Variants in TMEM47 observed in about 807,000 individuals in gnomAD.
TMEM47 encodes brain cell membrane protein 1.
TMEM47 carries 3 observed loss-of-function variants against 12.4 expected under a neutral mutation model. The observed-to-expected ratio is 0.24, with a 90% CI of 0.11 to 0.63. The LOEUF (loss-of-function observed/expected upper bound fraction) is 0.63, where lower values mean the gene tolerates loss of function less well. Ranked by LOEUF, TMEM47 falls within the 20% of genes least tolerant of loss-of-function variation. TMEM47 has a pLI of 0.86. For missense variants in TMEM47, 89 were observed against 143.8 expected (o/e 0.62, Z 1.95); for synonymous variants, 62 against 63.3 (o/e 0.98, Z 0.10).
At chrX:34,638,654 G>A (rs1921761345) in intron 2 of TMEM47, among the ~76,000 whole-genome samples, 1 of 111,609 alleles carries the variant, frequency 9.0e-6, no homozygotes, top group South Asian at 3.8e-4. Flanking sequence ...ATCATGTATT[G>A]GGCTTTTAGT....
chrX:34,656,000 C>T (rs981050513), intron 1 of TMEM47, among the ~76,000 whole-genome samples: 2 of 111,475 alleles, frequency 1.8e-5, no homozygotes, highest in African/African-American at 6.5e-5. Flanking sequence ...GTAAAGCCCC[C>T]TGGGACTGGT....
chrX:34,629,647 T>C lies in TMEM47; in HGVS notation c.*666A>G, dbSNP rs916682456. 5.4e-5 allele frequency: 6 copies of C among 111,684 alleles called. No individual in the cohort carries two copies. Among genetic ancestry groups the C allele is most frequent in the African/African-American group, 2.0e-4 (6 of 30,684 alleles). 9.2% of individuals were successfully genotyped at this position (111,684 alleles called of 1,213,427 possible). A position where few individuals can be genotyped will look rare whatever the true frequency, so the allele number is the denominator to read the frequency against. Reference sequence around the variant, plus strand: ...ATCCTCAATTTTTCCCCAGTCTAGATAGGGCTGAGGCACCAATTTCTAACC... The same window carrying C: ...ATCCTCAATTTTTCCCCAGTCTAGACAGGGCTGAGGCACCAATTTCTAACC... On this transcript the variant is annotated 3_prime_UTR_variant, in exon 3 of 3. Coordinates refer to ENST00000275954, the MANE Select transcript of TMEM47 (RefSeq NM_031442.4).
At chrX:34,654,116 C>G (rs1922063815) in intron 1 of TMEM47, among the ~76,000 whole-genome samples, 2 of 111,753 alleles carry the variant, frequency 1.8e-5, no homozygotes, top group African/African-American at 6.5e-5. Flanking sequence ...AGGTTATAAA[C>G]AGCAAATGAT....
Position 34,630,182 on chromosome X carries a change from A to G in TMEM47, c.*131T>C. On this transcript the variant is annotated 3_prime_UTR_variant, in exon 3 of 3. Transcript: ENST00000275954. ...TATGATGTTGACAGCCAAAAGGCAA[A>G]AAAGATTAAATCAACTGAGCAAACT... 1 of 692,659 alleles carries G rather than the reference A, an allele frequency of 1.4e-6. No individual in the cohort carries two copies. The highest frequency in any genetic ancestry group is 2.0e-6 in the Non-Finnish European group (1 of 490,288). 57.1% of individuals were successfully genotyped at this position (692,659 alleles called of 1,213,427 possible).
Position 34,630,288 on chromosome X carries a change from T to G in TMEM47, c.*25A>C. 1 of 1,158,463 alleles carries G rather than the reference T, an allele frequency of 8.6e-7. No individual in the cohort carries two copies. Among genetic ancestry groups the G allele is most frequent in the South Asian group, 2.1e-5 (1 of 47,676 alleles). On this transcript the variant is annotated 3_prime_UTR_variant, in exon 3 of 3. Transcript: ENST00000275954. ...AATCCTTTTGTTGGATGGTGGTGGT[T>G]GTTTTTACTTTGAGACTATTGGTTC...
intron 1 of TMEM47, among the ~76,000 whole-genome samples, chrX:34,648,757 C>CA (rs974642329): frequency 2.7e-5 from 3 of 112,026 alleles, no homozygotes; most frequent in African/African-American, 9.7e-5. Flanking sequence ...ACAGAGTACA[C>CA]AACCTACAGA....
rs201797267 is a variant in TMEM47 at position 34,639,266 on chromosome X, C to T, written c.348G>A (p.Ala116=). The T allele has an allele frequency of 4.4e-5, 52 of 1,191,599 alleles. No individual in the cohort carries two copies. The highest frequency in any genetic ancestry group is 5.4e-5 in the Non-Finnish European group (48 of 885,660). Residue 116 remains alanine (A), a synonymous_variant, in exon 2 of 3, where the codon GCG becomes GCA. Transcript: ENST00000275954. ...GTTTACCTGCTGCAAAAAGCATGAC[C>T]GCAACAGGTCTATAGAAACGCCTTC... ...GSRRRFYRPV[A]VMLFAAVVLQ...
At chrX:34,654,359 G>A in intron 1 of TMEM47, among the ~76,000 whole-genome samples, 1 of 111,675 alleles carries the variant, frequency 9.0e-6, no homozygotes, top group Middle Eastern at 4.6e-3. Flanking sequence ...AAGTGTCCTT[G>A]GTGGTTCCTC....
chrX:34,630,585 A>G lies in TMEM47; in HGVS notation c.368-94T>C, dbSNP rs765661991. ...TATATATGTATGAGAGTAACTTTGT[A>G]ATCAAATATACATAAAAGCCAAAAA... On this transcript the variant is annotated intron_variant, in intron 2 of 2. Coordinates refer to ENST00000275954, the MANE Select transcript of TMEM47 (RefSeq NM_031442.4). 15 of 866,035 alleles carry G rather than the reference A, an allele frequency of 1.7e-5. No homozygotes were observed. The South Asian group carries it at 5.3e-4, about 31-fold the overall frequency. 71.4% of individuals were successfully genotyped at this position (866,035 alleles called of 1,213,427 possible). A position where few individuals can be genotyped will look rare whatever the true frequency, so the allele number is the denominator to read the frequency against.
At chrX:34,641,884 T>C (rs1346055098) in intron 1 of TMEM47, among the ~76,000 whole-genome samples, 1 of 111,929 alleles carries the variant, frequency 8.9e-6, no homozygotes. Flanking sequence ...TGAGACAGAG[T>C]CTCACTCTGT....
intron 2 of TMEM47, among the ~76,000 whole-genome samples, chrX:34,631,546 A>G (rs1030469393): frequency 3.6e-5 from 4 of 112,107 alleles, no homozygotes; most frequent in Admixed American, 9.5e-5. Flanking sequence ...CGATAAAGGC[A>G]AGAGAGATAA....
At chrX:34,634,765 A>G (rs1047893152) in intron 2 of TMEM47, among the ~76,000 whole-genome samples, 6 of 112,269 alleles carry the variant, frequency 5.3e-5, no homozygotes, top group African/African-American at 1.9e-4. Flanking sequence ...GAAGAGGCAG[A>G]GGAAAGAAAA....
At position 34,629,177 on chromosome X, in the gene TMEM47, T is replaced by C. The variant is rs1189890606; in HGVS notation, c.*1136A>G. ...TAATGAATTTTACACAAAATGATCA[T>C]CCTAATTGCTACTCTCTTTTCAACT... On this transcript the variant is annotated 3_prime_UTR_variant, in exon 3 of 3. Coordinates refer to ENST00000275954, the MANE Select transcript of TMEM47 (RefSeq NM_031442.4). The C allele has an allele frequency of 5.4e-5, 6 of 111,998 alleles. No individual in the cohort carries two copies. Among genetic ancestry groups the C allele is most frequent in the Non-Finnish European group, 9.4e-5 (5 of 53,201 alleles). The allele number at this position is 111,998 out of a possible 1,213,427, so 9.2% of individuals were successfully genotyped here.
intron 2 of TMEM47, among the ~76,000 whole-genome samples, chrX:34,638,246 T>C (rs1178670537): frequency 9.0e-6 from 1 of 111,673 alleles, no homozygotes; most frequent in Non-Finnish European, 1.9e-5. Context: ...ACTTAAAGAT[T>C]TGAATTAGAT....
chrX:34,645,271 A>G lies in TMEM47; in HGVS notation c.227-5884T>C, dbSNP rs1380331873. Among the ~76,000 whole-genome samples, 3 of 112,180 alleles carry G rather than the reference A, an allele frequency of 2.7e-5. No individual in the cohort carries two copies. In the East Asian group the frequency reaches 8.4e-4, roughly 32 times the overall value. ...ATTTCAAACTCACATTCCCTAAATT[A>G]TCCATCTATTCACCAAAGACTATGT... On this transcript the variant is annotated intron_variant, in intron 1 of 2. Coordinates refer to ENST00000275954, the MANE Select transcript of TMEM47 (RefSeq NM_031442.4).
intron 1 of TMEM47, 38 bp downstream of exon 1, chrX:34,656,766 G>C (rs1228985459): frequency 8.7e-7 from 1 of 1,154,463 alleles, no homozygotes; most frequent in Admixed American, 2.6e-5. Flanking sequence ...GGGCAGTCCG[G>C]GGCGGGAGGC....
intron 2 of TMEM47, among the ~76,000 whole-genome samples, chrX:34,631,456 C>G (rs1428226524): frequency 9.0e-6 from 1 of 111,289 alleles, no homozygotes; most frequent in Non-Finnish European, 1.9e-5. Context: ...TGCCTCTTGT[C>G]TTTAAAAAGT....
At chrX:34,638,266 G>T in intron 2 of TMEM47, among the ~76,000 whole-genome samples, 1 of 111,483 alleles carries the variant, frequency 9.0e-6, no homozygotes, top group Non-Finnish European at 1.9e-5. Flanking sequence ...TGTACTTCTG[G>T]ATTCCTTCAG....
At chrX:34,652,167 T>C (rs928005711) in intron 1 of TMEM47, among the ~76,000 whole-genome samples, 10 of 112,444 alleles carry the variant, frequency 8.9e-5, no homozygotes, top group African/African-American at 2.6e-4. Context: ...AGAATTACAT[T>C]ACAATTTAGC....
Sources: allele counts gnomAD v4.1 joint callset (sites outside exome capture counted in the v4.1 genomes callset), GRCh38; gene constraint gnomAD v4.1.1; transcripts MANE v1.5; gene names NCBI Gene and HGNC (gene_info 2026-07-23, HGNC 2026-07-21).